CHADL: variants seen among roughly 807,000 people sequenced by gnomAD.
CHADL encodes the protein chondroadherin-like protein.
Under a neutral mutation model 52.1 loss-of-function variants are expected in CHADL, and 48 were observed. The ratio of observed to expected loss-of-function variants is 0.92; its 90% CI spans 0.73 to 1.17. CHADL has a LOEUF of 1.17. CHADL is among the 50% of genes most tolerant of loss of function. CHADL has a pLI of 0.00. For synonymous variants in CHADL, 498 were observed against 511.2 expected, an observed-to-expected ratio of 0.97 and a Z score of 0.35; for missense variants, 977 against 1,035.1, an observed-to-expected ratio of 0.94 and a Z score of 0.77.
At position 41,238,490 on chromosome 22, in the gene CHADL, G is replaced by T; in HGVS notation, c.582C>A (p.Leu194=). 4 of 1,537,590 alleles carry T rather than the reference G, an allele frequency of 2.6e-6. No homozygotes were observed. The African/African-American group carries it at 4.1e-5, about 16-fold the overall frequency. ...CCAGGGCCTCGGGGGCCAGCACGCT[G>T]AGCGCGTTGTGCGACAGCCGCAGCC... ...VRWLRLSHNA[L]SVLAPEALAG... Residue 194 remains leucine (L), a synonymous_variant, in exon 3 of 6, where the codon CTC becomes CTA. Transcript: ENST00000216241. This position sits in a 1 kb window ranked among gnomAD's most constrained non-coding sequence, Gnocchi z 4.9.
rs754016631 is a variant in CHADL at position 41,237,911 on chromosome 22, GGGGCCGCGCGGA to G, written c.1149_1160del (p.Pro384_Pro387del). 1.1e-4 allele frequency: 138 copies of G among 1,297,094 alleles called. 2 individuals are homozygous for G. The highest frequency in any genetic ancestry group is 2.9e-4 in the Middle Eastern group (1 of 3,434). The allele number at this position is 1,297,094 out of a possible 1,614,324, so 80.3% of individuals were successfully genotyped here. On this transcript the variant is annotated inframe_deletion, in exon 3 of 6. Coordinates refer to ENST00000216241, the MANE Select transcript of CHADL (RefSeq NM_138481.2). ...AAGGCGCGACTGCCCGCTCCTCCCC[GGGGCCGCGCGGA>G]GGGCCGCGCGGAGGGGCGCGGGGCC...
rs1329378538 is a variant in CHADL, at chr22:41,237,574, C to A, written c.1498G>T (p.Gly500Cys). 3.2e-6 allele frequency: 5 copies of A among 1,550,470 alleles called. No individual in the cohort carries two copies. The South Asian group carries it at 5.9e-5, about 18-fold the overall frequency. Residue 500 changes from glycine (G) to cysteine (C), a missense_variant, in exon 3 of 6, where the codon GGC becomes TGC. Physicochemically the swap from Gly to Cys is radical, Grantham distance 159 (BLOSUM62 -3). Coordinates refer to ENST00000216241, the MANE Select transcript of CHADL (RefSeq NM_138481.2). ...AAALEGAPRL[G>C]YLYLERNRFL... The stretch of plus-strand genomic sequence containing the variant: ...CGGTTGCGTTCTAGGTACAGGTAGC[C>A]GAGGCGGGGAGCCCCTTCAAGGGCA...
At chr22:41,239,335 C>T in intron 2 of CHADL, 108 bp downstream of exon 2, 1 of 1,004,418 alleles carries the variant, frequency 1.0e-6, no homozygotes, top group Non-Finnish European at 1.5e-6. Flanking sequence ...TTGCCAAGGT[C>T]TCCCGGGCAG....
At position 41,236,527 on chromosome 22, in the gene CHADL, T is replaced by A. The variant is rs1301372545; in HGVS notation, c.2020A>T (p.Ser674Cys). 1.3e-6 allele frequency: 2 copies of A among 1,551,436 alleles called. No homozygotes were observed. Among genetic ancestry groups the A allele is most frequent in the Non-Finnish European group, 1.7e-6 (2 of 1,146,944 alleles). ...LSQLELIDLS[S>C]NPFHCDCQLL... ...TGGCAGTCACAGTGGAAGGGATTGCTGCTGAGGTCGATGAGCTCCAGCTGG... is the reference window on the plus strand; with the variant it reads ...TGGCAGTCACAGTGGAAGGGATTGCAGCTGAGGTCGATGAGCTCCAGCTGG... Residue 674 changes from serine (S) to cysteine (C), a missense_variant, in exon 4 of 6, where the codon AGC (serine) becomes TGC (cysteine). Coordinates refer to ENST00000216241, the MANE Select transcript of CHADL (RefSeq NM_138481.2).
In CHADL at chr22:41,238,014, C is replaced by T. The variant is rs1196507578; in HGVS notation, c.1058G>A (p.Trp353Ter). The T allele has an allele frequency of 3.1e-6, 4 of 1,283,594 alleles. No homozygotes were observed. The highest frequency in any genetic ancestry group is 3.0e-4 in the Middle Eastern group (1 of 3,322). 79.5% of individuals were successfully genotyped at this position (1,283,594 alleles called of 1,614,324 possible). The change falls in exon 3 of 6, where the codon TGG becomes TAG. Residue 353 changes from tryptophan (W) to a stop codon, truncating the protein, a stop_gained. Transcript: ENST00000216241. LOFTEE classifies it high-confidence loss of function. This position sits in a 1 kb window ranked among gnomAD's most constrained non-coding sequence, Gnocchi z 4.9. The stretch of plus-strand genomic sequence containing the variant: ...CGCGTCCCCAGGGCAGCGCAGGTCC[C>T]AGGGCCGCAGGGCGTCCAGAGCCTC... ...RGEALDALRP[W>*]DLRCPGDAAQ...
chr22:41,230,076 T>TCCACC lies in CHADL; in HGVS notation c.2263-347_2263-346insGGTGG. ...GGAGCCAGGTCCCTTTCCCAGCTCC[T>TCCACC]CCGCCCCCACCCCTCCCAGAGTTAT... On this transcript the variant is annotated intron_variant, in intron 5 of 5. Coordinates refer to ENST00000216241, the MANE Select transcript of CHADL (RefSeq NM_138481.2). 3.3e-6 allele frequency: 3 copies of TCCACC among 912,384 alleles called. No homozygotes were observed. The South Asian group carries it at 4.8e-5, about 15-fold the overall frequency. 56.5% of individuals were successfully genotyped at this position (912,384 alleles called of 1,614,324 possible). A position where few individuals can be genotyped will look rare whatever the true frequency, so the allele number is the denominator to read the frequency against.
chr22:41,232,701 A>G (rs1026230426), intron 5 of CHADL, among the ~76,000 whole-genome samples: 1 of 152,158 alleles, frequency 6.6e-6, no homozygotes, highest in Non-Finnish European at 1.5e-5. Context: ...TTCCAAAGCC[A>G]TCATACTGTG....
At position 41,238,765 on chromosome 22, in the gene CHADL, C is replaced by T. The variant is rs991084458; in HGVS notation, c.307G>A (p.Glu103Lys). The T allele has an allele frequency of 2.2e-5, 34 of 1,549,252 alleles. No homozygotes were observed. Among genetic ancestry groups the T allele is most frequent in the Admixed American group, 1.4e-4 (7 of 50,976 alleles). ...LRHCEVELVA[E>K]GAFRGLGRLL... ...CGGCCCAGGCCACGGAAGGCGCCCT[C>T]GGCCACCAGCTCCACCTCGCAGTGG... The change falls in exon 3 of 6, where the codon GAG becomes AAG. Residue 103 changes from glutamate to lysine, a missense_variant. Glu to Lys is a moderately conservative substitution (Grantham distance 56, BLOSUM62 1). Coordinates refer to ENST00000216241, the MANE Select transcript of CHADL (RefSeq NM_138481.2). The surrounding 1 kb of genome is among the most constrained non-coding windows in gnomAD (Gnocchi z 4.9).
At chr22:41,231,302 G>C (rs1398663727) in intron 5 of CHADL, 1 of 152,218 alleles carries the variant, frequency 6.6e-6, no homozygotes, top group Non-Finnish European at 1.5e-5. Context: ...ATTCCTTGCA[G>C]ATTGTGTTCT....
rs2032765738 is a variant in CHADL at position 41,237,490 on chromosome 22, G to C, written c.1582C>G (p.Leu528Val). 1 of 1,550,422 alleles carries C rather than the reference G, an allele frequency of 6.4e-7. No homozygotes were observed. Among genetic ancestry groups the C allele is most frequent in the Non-Finnish European group, 8.7e-7 (1 of 1,146,946 alleles). ...RALPSLFSLH[L>V]QDNAVDRLAP... is the part of the protein sequence containing the mutation. ...AGGCGGTCCACAGCGTTGTCCTGCA[G>C]GTGCAGGGAGAAGAGGCTGGGCAGG... Residue 528 changes from leucine (L) to valine (V), a missense_variant, in exon 3 of 6, where the codon CTG becomes GTG. Coordinates refer to ENST00000216241, the MANE Select transcript of CHADL (RefSeq NM_138481.2).
chr22:41,232,554 A>C (rs934196593), intron 5 of CHADL, among the ~76,000 whole-genome samples: 1 of 152,116 alleles, frequency 6.6e-6, no homozygotes, highest in Non-Finnish European at 1.5e-5. Flanking sequence ...CCAGTGCCTG[A>C]GCCTCAAGAT....
chr22:41,230,307 C>A, intron 5 of CHADL: 2 of 1,246,840 alleles, frequency 1.6e-6, no homozygotes, highest in Non-Finnish European at 2.4e-6. Context: ...GTTTCTCTAC[C>A]ACCACCACCA....
intron 5 of CHADL, 55 bp downstream of exon 5, chr22:41,235,090 T>G: frequency 1.3e-6 from 2 of 1,526,926 alleles, no homozygotes; most frequent in Non-Finnish European, 1.8e-6. Flanking sequence ...CCTGGGGACT[T>G]TGGAACCTGG....
chr22:41,238,470 G>T lies in CHADL; in HGVS notation c.602C>A (p.Ala201Asp). 6.5e-7 allele frequency: 1 copy of T among 1,532,118 alleles called. No individual in the cohort carries two copies. 94.9% of individuals were successfully genotyped at this position (1,532,118 alleles called of 1,614,324 possible). ...HNALSVLAPEALAGLPALRRL... is the reference protein window; with the variant it reads ...HNALSVLAPEDLAGLPALRRL... Reference sequence around the variant, plus strand: ...TCTCAGGGCGGGCAGGCCAGCCAGGGCCTCGGGGGCCAGCACGCTGAGCGC... The same window carrying T: ...TCTCAGGGCGGGCAGGCCAGCCAGGTCCTCGGGGGCCAGCACGCTGAGCGC... The change falls in exon 3 of 6, where the codon GCC becomes GAC. Residue 201 changes from alanine to aspartate, a missense_variant. Transcript: ENST00000216241. The surrounding 1 kb of genome is among the most constrained non-coding windows in gnomAD (Gnocchi z 4.9).
In CHADL at chr22:41,238,317, G is replaced by A; in HGVS notation, c.755C>T (p.Ala252Val). The change falls in exon 3 of 6, where the codon GCG becomes GTG. Residue 252 changes from alanine to valine, a missense_variant. Physicochemically the swap from Ala to Val is moderately conservative, Grantham distance 64. Coordinates refer to ENST00000216241, the MANE Select transcript of CHADL (RefSeq NM_138481.2). The surrounding 1 kb of genome is among the most constrained non-coding windows in gnomAD (Gnocchi z 4.9). ...CAGCAGCTCCCGCAGGCCGGGCAGC[G>A]CCAGCCCGTCCTCCTCGCCCGCGTA... is the stretch of plus-strand genomic sequence containing the variant. Reference protein sequence around the residue: ...LTYAGEEDGLALPGLRELLLD... With the variant: ...LTYAGEEDGLVLPGLRELLLD... The A allele has an allele frequency of 6.6e-7, 1 of 1,525,022 alleles. No homozygotes were observed. The highest frequency in any genetic ancestry group is 8.8e-7 in the Non-Finnish European group (1 of 1,142,550). The allele number at this position is 1,525,022 out of a possible 1,614,324, so 94.5% of individuals were successfully genotyped here. A position where few individuals can be genotyped will look rare whatever the true frequency, so the allele number is the denominator to read the frequency against.
intron 3 of CHADL, 132 bp from the exon 4 acceptor site, chr22:41,236,782 A>T (rs2145635754): frequency 1.1e-6 from 1 of 911,242 alleles, no homozygotes; most frequent in African/African-American, 1.7e-5. Context: ...CAGGAAGTGC[A>T]GCGCTGGGTC....
At chr22:41,239,400 T>C in intron 2 of CHADL, 43 bp downstream of exon 2, 1 of 1,532,852 alleles carries the variant, frequency 6.5e-7, no homozygotes, top group Non-Finnish European at 8.8e-7. Context: ...GGTCCCCACC[T>C]TGCCCCACTG....
In CHADL at chr22:41,238,261, G is replaced by T; in HGVS notation, c.811C>A (p.Pro271Thr). The T allele has an allele frequency of 1.3e-6, 2 of 1,530,718 alleles. No homozygotes were observed. The highest frequency in any genetic ancestry group is 2.4e-5 in the South Asian group (2 of 83,724). The allele number at this position is 1,530,718 out of a possible 1,614,324, so 94.8% of individuals were successfully genotyped here. ...LDGGALQALG[P>T]RAFAHCPRLH... ...CGCGGACAGTGTGCGAAGGCCCTGG[G>T]ACCCAGGGCCTGCAGGGCCCCGCCG... Residue 271 changes from proline to threonine, a missense_variant, in exon 3 of 6, where the codon CCC (proline) becomes ACC (threonine). Pro to Thr is a conservative substitution (Grantham distance 38). Transcript: ENST00000216241. The surrounding 1 kb of genome is among the most constrained non-coding windows in gnomAD (Gnocchi z 4.9).
At chr22:41,239,381 C>T in intron 2 of CHADL, 62 bp downstream of exon 2, 1 of 1,474,760 alleles carries the variant, frequency 6.8e-7, no homozygotes, top group South Asian at 1.3e-5. Context: ...GCCCAGGCTC[C>T]TCCCTCTGGG....
Sources: gnomAD v4.1 joint callset for allele counts (sites outside exome capture counted in the v4.1 genomes callset) on GRCh38, gnomAD v4.1.1 for gene constraint, Gnocchi (gnomAD v3.1) non-coding constraint, MANE v1.5 for transcripts, NCBI Gene and HGNC (gene_info 2026-07-23, HGNC 2026-07-21) for gene names.